MEIS1: variants seen among roughly 807,000 people sequenced by gnomAD.
MEIS1 encodes Meis homeobox 1, also known as homeobox protein Meis1.
Under a neutral mutation model 50.8 loss-of-function variants are expected in MEIS1, and 5 were observed. The ratio of observed to expected loss-of-function variants is 0.10; its 90% CI spans 0.05 to 0.21. MEIS1 has a LOEUF of 0.21. MEIS1 is among the 10% of genes least tolerant of loss of function. The probability of loss-of-function intolerance (pLI) is 1.00; values close to 1 mark genes in which losing one functional copy is unlikely to be tolerated. For missense variants in MEIS1, 318 were observed against 517.3 expected (o/e 0.61, Z 3.74); for synonymous variants, 176 against 179.3 (o/e 0.98, Z 0.15).
rs904908073 is a variant in MEIS1, at chr2:66,435,650, A to G, written c.-207A>G. The G allele has an allele frequency of 1.6e-5, 7 of 445,714 alleles. No individual in the cohort carries two copies. The highest frequency in any genetic ancestry group is 1.3e-4 in the African/African-American group (6 of 47,306). The allele number at this position is 445,714 out of a possible 1,614,324, so 27.6% of individuals were successfully genotyped here. ...TTGGAAACGGAGCGCTTTTATGCTCAGTGACTCGGGCGCTTTGCTTCAGGT... is the reference window on the plus strand; with the variant it reads ...TTGGAAACGGAGCGCTTTTATGCTCGGTGACTCGGGCGCTTTGCTTCAGGT... On this transcript the variant is annotated 5_prime_UTR_variant, in exon 1 of 13. Coordinates refer to ENST00000272369, the MANE Select transcript of MEIS1 (RefSeq NM_002398.3).
intron 3 of MEIS1, 64 bp from the exon 4 acceptor site, chr2:66,440,498 T>C: frequency 7.0e-7 from 1 of 1,436,222 alleles, no homozygotes; most frequent in Non-Finnish European, 9.7e-7. Context: ...GGCGACCAGA[T>C]TTCAAATTTT....
chr2:66,541,111 C>T (rs1465042758), intron 8 of MEIS1, among the ~76,000 whole-genome samples: 1 of 151,894 alleles, frequency 6.6e-6, no homozygotes, highest in African/African-American at 2.4e-5. Context: ...AATCTCGGCT[C>T]ATTGCAAGCT....
chr2:66,492,195 G>T (rs1673290851), intron 7 of MEIS1, among the ~76,000 whole-genome samples: 2 of 151,466 alleles, frequency 1.3e-5, no homozygotes, highest in African/African-American at 4.9e-5. Context: ...CACCCTTGCA[G>T]TCCTACAAGA....
chr2:66,481,513 C>T (rs1028141644), intron 7 of MEIS1, among the ~76,000 whole-genome samples: 4 of 152,166 alleles, frequency 2.6e-5, no homozygotes, highest in African/African-American at 9.7e-5. Context: ...AATGACGCTG[C>T]CATTCTTTTG....
At chr2:66,443,811 G>GC (rs1672060681) in intron 6 of MEIS1, 1 of 152,572 alleles carries the variant, frequency 6.6e-6, no homozygotes, top group African/African-American at 2.4e-5. Flanking sequence ...CCCTGGGTAA[G>GC]GAGTGTGGGG....
chr2:66,441,755 G>A lies in MEIS1; in HGVS notation c.483+291G>A, dbSNP rs1671989987. ...GTGCATCCCAGCTGATGTTTCGAAT[G>A]CTGCTCTGAGGTTGTTTCACAAGTT... On this transcript the variant is annotated intron_variant, in intron 5 of 12. Transcript: ENST00000272369. 7.9e-6 allele frequency: 3 copies of A among 380,096 alleles called. No individual in the cohort carries two copies. The Admixed American group carries it at 1.5e-4, about 20-fold the overall frequency. The allele number at this position is 380,096 out of a possible 1,614,324, so 23.5% of individuals were successfully genotyped here. A position where few individuals can be genotyped will look rare whatever the true frequency, so the allele number is the denominator to read the frequency against.
At chr2:66,511,241 AT>A (rs1476278808) in intron 7 of MEIS1, among the ~76,000 whole-genome samples, 2 of 152,022 alleles carry the variant, frequency 1.3e-5, no homozygotes, top group East Asian at 1.9e-4. Context: ...TTAAATTTTT[AT>A]TTTTTCTTAT....
chr2:66,456,261 C>CACACACACACACAT (rs59435486), intron 6 of MEIS1, among the ~76,000 whole-genome samples: 3 of 151,680 alleles, frequency 2.0e-5, no homozygotes, highest in Non-Finnish European at 4.4e-5. Context: ...CACACACACA[C>CACACACACACACAT]GTTTATTTGC....
chr2:66,486,653 G>A (rs1673149924), intron 7 of MEIS1, among the ~76,000 whole-genome samples: 1 of 152,190 alleles, frequency 6.6e-6, no homozygotes, highest in African/African-American at 2.4e-5. Flanking sequence ...ATGGTAGCTT[G>A]ATGGGAATAG....
At chr2:66,561,958 G>C (rs1675223266) in intron 9 of MEIS1, 1 of 149,230 alleles carries the variant, frequency 6.7e-6, no homozygotes, top group Admixed American at 6.7e-5. Context: ...AATTATCAGG[G>C]AGTAAGTAGA....
intron 7 of MEIS1, among the ~76,000 whole-genome samples, chr2:66,499,372 T>G (rs1290553938): frequency 2.0e-5 from 3 of 151,810 alleles, no homozygotes; most frequent in African/African-American, 4.9e-5. Flanking sequence ...ATCTCTTTTT[T>G]TCCCCCTGAC....
chr2:66,448,064 T>C lies in MEIS1; in HGVS notation c.630+5016T>C, dbSNP rs539063031. Among the ~76,000 whole-genome samples, 25 of 152,296 alleles carry C rather than the reference T, an allele frequency of 1.6e-4. No homozygotes were observed. The South Asian group carries it at 5.0e-3, about 30-fold the overall frequency. On this transcript the variant is annotated intron_variant, in intron 6 of 12. Coordinates refer to ENST00000272369, the MANE Select transcript of MEIS1 (RefSeq NM_002398.3). Reference sequence around the variant, plus strand: ...TGAAATATATAGAGTAGTTGTTTTATATAGCTATTGGTCCTAACTTAGAGA... The same window carrying C: ...TGAAATATATAGAGTAGTTGTTTTACATAGCTATTGGTCCTAACTTAGAGA...
At chr2:66,559,190 A>G (rs1675150402) in intron 9 of MEIS1, among the ~76,000 whole-genome samples, 1 of 152,062 alleles carries the variant, frequency 6.6e-6, no homozygotes, top group African/African-American at 2.4e-5. Context: ...AAACAAAAAA[A>G]CCTGATGTAT....
At position 66,504,528 on chromosome 2, in the gene MEIS1, G is replaced by C. The variant is rs529009218; in HGVS notation, c.743-7621G>C. On this transcript the variant is annotated intron_variant, in intron 7 of 12. Coordinates refer to ENST00000272369, the MANE Select transcript of MEIS1 (RefSeq NM_002398.3). The stretch of plus-strand genomic sequence containing the variant: ...TGGGATTATAGTTAATAGCCACTGT[G>C]CCCGGCCTATTAACAATTTCTTGTC... Among the ~76,000 whole-genome samples the C allele has an allele frequency of 3.3e-5, 5 of 152,164 alleles. No homozygotes were observed. In the South Asian group the frequency reaches 1.0e-3, roughly 32 times the overall value.
intron 7 of MEIS1, among the ~76,000 whole-genome samples, chr2:66,511,552 AG>A (rs996610441): frequency 7.2e-5 from 11 of 152,198 alleles, no homozygotes; most frequent in African/African-American, 2.4e-4. Flanking sequence ...AAACTATGTC[AG>A]GGGTTTTTCC....
chr2:66,545,615 A>G lies in MEIS1; in HGVS notation c.889-2328A>G, dbSNP rs17032210. ...TAGTAGAGACATAGACCTACTGTAT[A>G]TCAAGCTGTAATTCAGCATTCTATC... is the stretch of plus-strand genomic sequence containing the variant. On this transcript the variant is annotated intron_variant, in intron 8 of 12. Coordinates refer to ENST00000272369, the MANE Select transcript of MEIS1 (RefSeq NM_002398.3). 4.8e-4 allele frequency among the ~76,000 whole-genome samples: 73 copies of G among 152,210 alleles called. 1 individual carries two copies. Among genetic ancestry groups the G allele is most frequent in the African/African-American group, 1.6e-3 (68 of 41,460 alleles).
chr2:66,451,776 G>A (rs1184090178), intron 6 of MEIS1, among the ~76,000 whole-genome samples: 1 of 151,926 alleles, frequency 6.6e-6, no homozygotes, highest in Non-Finnish European at 1.5e-5. Flanking sequence ...TGTCTACAGA[G>A]CTTCAAAATG....
At chr2:66,506,259 A>G (rs1170885351) in intron 7 of MEIS1, among the ~76,000 whole-genome samples, 1 of 152,208 alleles carries the variant, frequency 6.6e-6, no homozygotes, top group African/African-American at 2.4e-5. Context: ...GTGTGTCACT[A>G]AATCAGCTAC....
Position 66,521,968 on chromosome 2 carries a change from C to A in MEIS1, c.888+9674C>A, listed in dbSNP as rs147475118. On this transcript the variant is annotated intron_variant, in intron 8 of 12. Coordinates refer to ENST00000272369, the MANE Select transcript of MEIS1 (RefSeq NM_002398.3). Reference sequence around the variant, plus strand: ...TCAGGTTCACTCCCTCTAGTAATGTCACCCATCGTACAATATTTTTCTTCC... The same window carrying A: ...TCAGGTTCACTCCCTCTAGTAATGTAACCCATCGTACAATATTTTTCTTCC... Among the ~76,000 whole-genome samples, 1,415 of 152,312 alleles carry A rather than the reference C, an allele frequency of 9.3e-3. 11 individuals carry two copies. The highest frequency in any genetic ancestry group is 0.016 in the Non-Finnish European group (1,089 of 68,026).
Sources: gnomAD v4.1 joint callset for allele counts (sites outside exome capture counted in the v4.1 genomes callset) on GRCh38, gnomAD v4.1.1 for gene constraint, MANE v1.5 for transcripts, NCBI Gene and HGNC (gene_info 2026-07-23, HGNC 2026-07-21) for gene names.